Variants in DIS3L2 observed in about 807,000 individuals in gnomAD.
DIS3L2 encodes the protein DIS3-like exonuclease 2.
In DIS3L2, 34 loss-of-function variants were observed where a neutral mutation model predicts 97.5. The ratio of observed to expected loss-of-function variants is 0.35; its 90% CI spans 0.27 to 0.46. The LOEUF (loss-of-function observed/expected upper bound fraction) is 0.46, where lower values mean the gene tolerates loss of function less well. Among genes scored for constraint, DIS3L2 ranks in the 20% least tolerant of loss-of-function variants. DIS3L2 has a pLI of 1.00. For synonymous variants in DIS3L2, 435 were observed against 445.2 expected (o/e 0.98, Z 0.29); for missense variants, 1,038 against 1,146.0 (o/e 0.91, Z 1.36).
chr2:232,072,677 C>T (rs1167899969), intron 5 of DIS3L2, among the ~76,000 whole-genome samples: 1 of 151,954 alleles, frequency 6.6e-6, no homozygotes, highest in African/African-American at 2.4e-5. Flanking sequence ...CAGGGAGACC[C>T]CTTACATGGC....
At position 232,173,995 on chromosome 2, in the gene DIS3L2, A is replaced by C. The variant is rs533052341; in HGVS notation, c.1124+10363A>C. ...GGAGGCACTCAGGATTTTCATAAGA[A>C]TTGCTCTGAGTCTGTAGATCAGTTT... On this transcript the variant is annotated intron_variant, in intron 9 of 20. Coordinates refer to ENST00000325385, the MANE Select transcript of DIS3L2 (RefSeq NM_152383.5). Among the ~76,000 whole-genome samples the C allele has an allele frequency of 7.2e-5, 11 of 152,274 alleles. No homozygotes were observed. In the East Asian group the frequency reaches 2.1e-3, roughly 29 times the overall value.
At chr2:232,333,004 A>C (rs1385461038) in intron 16 of DIS3L2, among the ~76,000 whole-genome samples, 4 of 151,784 alleles carry the variant, frequency 2.6e-5, no homozygotes, top group Non-Finnish European at 5.9e-5. Flanking sequence ...GCCTCCTTGA[A>C]CAAAGACCCA....
intron 5 of DIS3L2, among the ~76,000 whole-genome samples, chr2:232,043,720 G>A (rs982338780): frequency 6.6e-6 from 1 of 152,176 alleles, no homozygotes; most frequent in Admixed American, 6.5e-5. Flanking sequence ...TAAGTTAATG[G>A]TGTAGTAGTA....
intron 13 of DIS3L2, among the ~76,000 whole-genome samples, chr2:232,289,445 G>C (rs1397287216): frequency 6.6e-6 from 1 of 151,984 alleles, no homozygotes; most frequent in African/African-American, 2.4e-5. Context: ...GCTAATTTTT[G>C]TATTTTTAGT....
At chr2:232,171,663 C>G (rs930766698) in intron 9 of DIS3L2, among the ~76,000 whole-genome samples, 30 of 152,162 alleles carry the variant, frequency 2.0e-4, no homozygotes, top group African/African-American at 7.0e-4. Flanking sequence ...AATGGGGAAG[C>G]TGTCATTGTC....
intron 5 of DIS3L2, among the ~76,000 whole-genome samples, chr2:232,048,758 C>T (rs1052981637): frequency 1.3e-5 from 2 of 151,794 alleles, no homozygotes; most frequent in East Asian, 1.9e-4. Flanking sequence ...TGTATATGCC[C>T]GAAATATGTT....
intron 1 of DIS3L2, among the ~76,000 whole-genome samples, chr2:232,003,042 G>C (rs901137239): frequency 3.3e-5 from 5 of 152,166 alleles, no homozygotes; most frequent in Admixed American, 3.3e-4. Flanking sequence ...GTCAAATTAA[G>C]CCTAGAACAG....
chr2:232,057,057 A>G (rs141732130), intron 5 of DIS3L2, among the ~76,000 whole-genome samples: 357 of 152,358 alleles, frequency 2.3e-3, no homozygotes, highest in Non-Finnish European at 4.0e-3. Context: ...GTATGTATAT[A>G]CAATAGAATA....
chr2:232,056,262 T>C (rs1695547722), intron 5 of DIS3L2, among the ~76,000 whole-genome samples: 1 of 152,028 alleles, frequency 6.6e-6, no homozygotes, highest in African/African-American at 2.4e-5. Context: ...TCACAGCTAC[T>C]CAGGAGGCTG....
intron 8 of DIS3L2, among the ~76,000 whole-genome samples, chr2:232,154,744 C>T (rs924614797): frequency 2.8e-4 from 42 of 149,846 alleles, no homozygotes; most frequent in South Asian, 6.4e-4. Context: ...GTTGGAGCTT[C>T]CCAGCTGCTT....
At chr2:232,000,029 T>C (rs1693833571) in intron 1 of DIS3L2, among the ~76,000 whole-genome samples, 1 of 152,142 alleles carries the variant, frequency 6.6e-6, no homozygotes, top group Admixed American at 6.6e-5. Flanking sequence ...GTTCCAGGAC[T>C]CCTACAGCTA....
chr2:232,214,389 C>T (rs748875924), intron 10 of DIS3L2, among the ~76,000 whole-genome samples: 5 of 152,154 alleles, frequency 3.3e-5, no homozygotes, highest in African/African-American at 9.7e-5. Context: ...TGAAACAGTG[C>T]TCTCTTCCTG....
intron 1 of DIS3L2, among the ~76,000 whole-genome samples, chr2:231,992,067 G>A (rs1218689620): frequency 1.3e-5 from 2 of 152,176 alleles, no homozygotes; most frequent in Non-Finnish European, 2.9e-5. Flanking sequence ...GATGAGGACT[G>A]GAGCTGGACA....
At chr2:232,337,918 C>T (rs902626051), downstream of DIS3L2, among the ~76,000 whole-genome samples, 1 of 151,138 alleles carries the variant, frequency 6.6e-6, no homozygotes, top group Admixed American at 6.6e-5. Context: ...TCCTCCAGGG[C>T]TCAGCCACCT....
At chr2:232,097,461 A>T (rs755429387) in intron 6 of DIS3L2, among the ~76,000 whole-genome samples, 2 of 152,118 alleles carry the variant, frequency 1.3e-5, no homozygotes, top group Non-Finnish European at 2.9e-5. Context: ...CACAGGATGC[A>T]GTCCTTCTCA....
At chr2:232,221,847 G>T (rs2106233277) in intron 10 of DIS3L2, among the ~76,000 whole-genome samples, 1 of 152,214 alleles carries the variant, frequency 6.6e-6, no homozygotes, top group African/African-American at 2.4e-5. Flanking sequence ...TTTCTGCTTG[G>T]ATACATTTCT....
chr2:232,016,520 T>G (rs990015610), intron 3 of DIS3L2, among the ~76,000 whole-genome samples: 2 of 152,148 alleles, frequency 1.3e-5, no homozygotes, highest in East Asian at 3.9e-4. Flanking sequence ...CTGGAGTTGG[T>G]GACCCTCGTG....
chr2:232,334,057 T>C, intron 17 of DIS3L2, 70 bp downstream of exon 17: 1 of 1,541,494 alleles, frequency 6.5e-7, no homozygotes, highest in South Asian at 1.3e-5. Flanking sequence ...CAGTGGGTGC[T>C]CAGTGGCCCA....
intron 9 of DIS3L2, among the ~76,000 whole-genome samples, chr2:232,188,876 A>G (rs1190863760): frequency 6.6e-6 from 1 of 152,218 alleles, no homozygotes; most frequent in African/African-American, 2.4e-5. Context: ...TACGTAAAGA[A>G]CCTTTAAAAC....
Sources: gnomAD v4.1 joint callset for allele counts (sites outside exome capture counted in the v4.1 genomes callset) on GRCh38, gnomAD v4.1.1 for gene constraint, MANE v1.5 for transcripts, NCBI Gene and HGNC (gene_info 2026-07-23, HGNC 2026-07-21) for gene names.